Variants in SDK1 observed in about 807,000 individuals in gnomAD.
SDK1 encodes the protein protein sidekick-1.
In SDK1, 157 loss-of-function variants were observed where a neutral mutation model predicts 245.5. That is an observed-to-expected ratio of 0.64 (90% CI 0.56 to 0.73). The LOEUF is 0.73. Among genes scored for constraint, SDK1 ranks in the 30% least tolerant of loss-of-function variants. The probability of loss-of-function intolerance (pLI) is 0.00; values close to 1 mark genes in which losing one functional copy is unlikely to be tolerated. For synonymous variants in SDK1, 1,647 were observed against 1,278.5 expected (o/e 1.29, Z -6.15); for missense variants, 3,583 against 3,002.3 (o/e 1.19, Z -4.52).
rs1003722432 is a variant in SDK1, at chr7:3,881,399, C to T, written c.847+59816C>T. Among the ~76,000 whole-genome samples the T allele has an allele frequency of 5.3e-5, 8 of 151,960 alleles. No homozygotes were observed. In the East Asian group the frequency reaches 1.5e-3, roughly 29 times the overall value. The stretch of plus-strand genomic sequence containing the variant: ...TTGGTTTTCTGAATATAACGTCTTC[C>T]AGCTCCTTCTGCGTCCCTGCAAACG... On this transcript the variant is annotated intron_variant, in intron 5 of 44. Transcript: ENST00000404826.
At chr7:4,225,054 A>G (rs956589106) in intron 40 of SDK1, among the ~76,000 whole-genome samples, 2 of 147,518 alleles carry the variant, frequency 1.4e-5, no homozygotes, top group African/African-American at 2.5e-5. Context: ...GGGCCTGGCT[A>G]CGAAACTTCC....
chr7:4,263,522 A>G, intron 44 of SDK1, among the ~76,000 whole-genome samples: 1 of 88,700 alleles, frequency 1.1e-5, no homozygotes, highest in African/African-American at 4.8e-5. Context: ...ACCTCTCCTG[A>G]GTGGGGAGGC....
intron 29 of SDK1, among the ~76,000 whole-genome samples, chr7:4,146,829 T>A (rs1240650309): frequency 1.3e-5 from 2 of 152,202 alleles, no homozygotes; most frequent in African/African-American, 4.8e-5. Flanking sequence ...CAGCATGGCA[T>A]TAGCTCTGAT....
At chr7:4,136,247 C>T (rs653104) in intron 28 of SDK1, among the ~76,000 whole-genome samples, 13,025 of 152,190 alleles carry the variant, frequency 0.086, 633 homozygotes, top group Non-Finnish European at 0.1. Flanking sequence ...TAACCTGTCA[C>T]CCATGGGTCA....
chr7:4,062,147 AAAC>A (rs1225732995), intron 19 of SDK1, among the ~76,000 whole-genome samples: 1 of 152,112 alleles, frequency 6.6e-6, no homozygotes, highest in Non-Finnish European at 1.5e-5. Context: ...ATAATAATAA[AAAC>A]AATACAAATG....
intron 5 of SDK1, among the ~76,000 whole-genome samples, chr7:3,898,415 C>G (rs1044309939): frequency 5.3e-5 from 8 of 152,178 alleles, no homozygotes; most frequent in Admixed American, 2.0e-4. Flanking sequence ...AAGATTCTAA[C>G]TAGCTTTTTT....
At chr7:3,570,020 C>G (rs764026878) in intron 1 of SDK1, among the ~76,000 whole-genome samples, 3 of 152,142 alleles carry the variant, frequency 2.0e-5, no homozygotes, top group African/African-American at 7.2e-5. Context: ...CTTTATAATT[C>G]TAAATCACAC....
At chr7:3,990,412 T>C (rs1784207580) in intron 14 of SDK1, among the ~76,000 whole-genome samples, 1 of 151,998 alleles carries the variant, frequency 6.6e-6, no homozygotes, top group Non-Finnish European at 1.5e-5. Flanking sequence ...CAGACGGCCA[T>C]CTTAGCTTCC....
chr7:3,799,413 T>A (rs548156888), intron 4 of SDK1, among the ~76,000 whole-genome samples: 37 of 152,002 alleles, frequency 2.4e-4, no homozygotes, highest in African/African-American at 8.4e-4. Context: ...TGTTAGACCC[T>A]GTTTATCCTG....
chr7:3,473,822 C>T (rs1781257066), intron 1 of SDK1, among the ~76,000 whole-genome samples: 1 of 152,082 alleles, frequency 6.6e-6, no homozygotes, highest in African/African-American at 2.4e-5. Flanking sequence ...AAATTTTAGA[C>T]CACCGTATGG....
At chr7:4,098,824 CTTTTTTTTTTTTTTTTTT>C (rs58678214) in intron 22 of SDK1, among the ~76,000 whole-genome samples, 1 of 82,852 alleles carries the variant, frequency 1.2e-5, no homozygotes, top group African/African-American at 6.9e-5. Flanking sequence ...CCACAATGCC[CTTTTTTTTTTTTTTTTTT>C]TTTTTTTTTT....
rs189870367 is a variant in SDK1 at position 3,501,394 on chromosome 7, T to G, written c.299-117686T>G. Among the ~76,000 whole-genome samples the G allele has an allele frequency of 4.1e-3, 619 of 150,876 alleles. 7 individuals carry two copies. Among genetic ancestry groups the G allele is most frequent in the African/African-American group, 0.014 (579 of 41,122 alleles). ...CAGGAAAAAGAAAAAAAAAAACTGA[T>G]CAGGACAGTTTCAAAGTAGAACAGT... On this transcript the variant is annotated intron_variant, in intron 1 of 44. Transcript: ENST00000404826.
In SDK1 at chr7:3,542,750, G is replaced by T. The variant is rs1463219282; in HGVS notation, c.299-76330G>T. ...TGTGTTAGGTTTGGTTTTATTCTTT[G>T]ATTACTAGAAGTGCTTTTAAAGAAG... On this transcript the variant is annotated intron_variant, in intron 1 of 44. Transcript: ENST00000404826. Among the ~76,000 whole-genome samples the T allele has an allele frequency of 2.0e-5, 3 of 152,036 alleles. No individual in the cohort carries two copies. The East Asian group carries it at 5.8e-4, about 29-fold the overall frequency.
intron 22 of SDK1, among the ~76,000 whole-genome samples, chr7:4,103,713 G>A (rs985390843): frequency 6.6e-6 from 1 of 152,240 alleles, no homozygotes; most frequent in African/African-American, 2.4e-5. Context: ...GTGCAGGGAT[G>A]CGTGAGACCC....
rs71029672 is a variant in SDK1 at position 3,435,321 on chromosome 7, C to CTTTTTTTTTTTTTT, written c.298+133451_298+133464dup. Among the ~76,000 whole-genome samples the CTTTTTTTTTTTTTT allele has an allele frequency of 2.2e-3, 127 of 56,898 alleles. 11 individuals carry two copies. The highest frequency in any genetic ancestry group is 5.2e-3 in the African/African-American group (57 of 10,994). 37.3% of individuals were successfully genotyped at this position (56,898 alleles called of 152,430 possible). The stretch of plus-strand genomic sequence containing the variant: ...ATACTTGACTTATGAAGGGGACTGC[C>CTTTTTTTTTTTTTT]TTTTTTTTTTTTTTTTTTTTTTTTT... On this transcript the variant is annotated intron_variant, in intron 1 of 44. Coordinates refer to ENST00000404826, the MANE Select transcript of SDK1 (RefSeq NM_152744.4).
rs1260198084 is a variant in SDK1 at position 3,646,967 on chromosome 7, A to G, written c.713+4862A>G. ...GACTTGGGGGAAGGAGGGAGTGGGG[A>G]GTTATGTTTAATGGGTACAGAGTTT... On this transcript the variant is annotated intron_variant, in intron 4 of 44. Transcript: ENST00000404826. Among the ~76,000 whole-genome samples, 6 of 152,318 alleles carry G rather than the reference A, an allele frequency of 3.9e-5. No individual in the cohort carries two copies. In the East Asian group the frequency reaches 1.2e-3, roughly 29 times the overall value.
chr7:3,888,270 C>A (rs911051813), intron 5 of SDK1, among the ~76,000 whole-genome samples: 1 of 152,220 alleles, frequency 6.6e-6, no homozygotes, highest in Non-Finnish European at 1.5e-5. Flanking sequence ...CATGTGAGAA[C>A]GAGTCATCAC....
intron 1 of SDK1, among the ~76,000 whole-genome samples, chr7:3,503,720 G>A (rs1228928384): frequency 1.3e-5 from 2 of 151,868 alleles, no homozygotes; most frequent in Non-Finnish European, 2.9e-5. Context: ...CCATTAATAA[G>A]AATGATATAC....
intron 1 of SDK1, among the ~76,000 whole-genome samples, chr7:3,430,432 A>G (rs992005955): frequency 6.6e-6 from 1 of 152,166 alleles, no homozygotes; most frequent in African/African-American, 2.4e-5. Context: ...CTGGAACTCC[A>G]CTAGATACTA....
Sources: gnomAD v4.1 joint callset for allele counts (sites outside exome capture counted in the v4.1 genomes callset) on GRCh38, gnomAD v4.1.1 for gene constraint, MANE v1.5 for transcripts, NCBI Gene and HGNC (gene_info 2026-07-23, HGNC 2026-07-21) for gene names.